The following PCDHA1 variants were observed in gnomAD, a reference collection of about 807,000 sequenced individuals.
PCDHA1 encodes the protein protocadherin alpha 1.
PCDHA1 carries 42 observed loss-of-function variants against 61.3 expected under a neutral mutation model. The observed-to-expected ratio is 0.69, with a 90% CI of 0.54 to 0.89. The LOEUF (loss-of-function observed/expected upper bound fraction) is 0.89. Ranked by LOEUF, PCDHA1 falls within the 40% of genes least tolerant of loss-of-function variation. The probability of loss-of-function intolerance (pLI) is 0.00; values close to 1 mark genes in which losing one functional copy is unlikely to be tolerated. For synonymous variants in PCDHA1, 610 were observed against 553.8 expected (o/e 1.10, Z -1.43); for missense variants, 1,256 against 1,235.3 (o/e 1.02, Z -0.25).
chr5:140,910,580 C>T (rs1384259049), intron 1 of PCDHA1, among the ~76,000 whole-genome samples: 1 of 152,162 alleles, frequency 6.6e-6, no homozygotes, highest in Non-Finnish European at 1.5e-5. Flanking sequence ...CTGGATCCTC[C>T]CAGCTGGGAT....
At position 140,786,281 on chromosome 5, in the gene PCDHA1, T is replaced by C. The variant is rs373649550; in HGVS notation, c.-10T>C. ...AGAGGAGAGCATAAGAAAGGTGTAG[T>C]CCTTTTGCAATGGTGTTTTCTAGGA... On this transcript the variant is annotated 5_prime_UTR_variant, in exon 1 of 4. Coordinates refer to ENST00000504120, the MANE Select transcript of PCDHA1 (RefSeq NM_018900.4). The C allele has an allele frequency of 2.5e-6, 4 of 1,588,676 alleles. No homozygotes were observed. In the African/African-American group the frequency reaches 5.4e-5, roughly 21 times the overall value.
chr5:140,842,961 G>A (rs1778431157), intron 1 of PCDHA1: 1 of 1,594,950 alleles, frequency 6.3e-7, no homozygotes, highest in African/African-American at 1.3e-5. Context: ...CCTCTGGGCA[G>A]CAACGTGACG....
rs57893927 is a variant in PCDHA1 at position 140,946,631 on chromosome 5, T to TATATATATATATATATATATATATATAC, written c.2395-32317_2395-32316insTATATATATATATATATATATATATACA. On this transcript the variant is annotated intron_variant, in intron 1 of 3. Transcript: ENST00000504120. ...TGTGAAATATATATATATATATATA[T>TATATATATATATATATATATATATATAC]ACAATGGAATACTCATCAGCCATTA... Among the ~76,000 whole-genome samples the TATATATATATATATATATATATATATAC allele has an allele frequency of 2.1e-3, 277 of 131,730 alleles. 14 individuals carry two copies. Among genetic ancestry groups the TATATATATATATATATATATATATATAC allele is most frequent in the African/African-American group, 7.7e-3 (221 of 28,616 alleles). The allele number at this position is 131,730 out of a possible 152,430, so 86.4% of individuals were successfully genotyped here.
At chr5:140,841,928 G>C in intron 1 of PCDHA1, 1 of 1,613,910 alleles carries the variant, frequency 6.2e-7, no homozygotes, top group Non-Finnish European at 8.5e-7. Context: ...CTTGGACAGA[G>C]AGGACGCTCC....
Position 140,856,604 on chromosome 5 carries a change from GA to G in PCDHA1, c.2394+67921del, listed in dbSNP as rs782310012. On this transcript the variant is annotated intron_variant, in intron 1 of 3. Transcript: ENST00000504120. ...TGTTCTTGATATTATAAACAAAAAA[GA>G]CAAAGACAAATTCCCAGTGCTTGTT... 3.6e-5 allele frequency: 57 copies of G among 1,597,724 alleles called. 2 individuals are homozygous for G. In the African/African-American group the frequency reaches 6.7e-4, roughly 19 times the overall value.
chr5:140,916,028 C>T (rs1554197245), intron 1 of PCDHA1, among the ~76,000 whole-genome samples: 1 of 152,152 alleles, frequency 6.6e-6, no homozygotes, highest in African/African-American at 2.4e-5. Flanking sequence ...TCCCATTCTT[C>T]CCTCCCCTTT....
chr5:140,814,664 A>C (rs2126657660), intron 1 of PCDHA1: 4 of 151,244 alleles, frequency 2.6e-5, no homozygotes, highest in African/African-American at 9.9e-5. Flanking sequence ...CACCACAAAC[A>C]TGTGAGTAAT....
At position 140,894,520 on chromosome 5, in the gene PCDHA1, C is replaced by T. The variant is rs377646516; in HGVS notation, c.2395-84429C>T. On this transcript the variant is annotated intron_variant, in intron 1 of 3. Coordinates refer to ENST00000504120, the MANE Select transcript of PCDHA1 (RefSeq NM_018900.4). ...AGGCATTATCCATAGTGTTTATATG[C>T]TGTTATGTGCCTTCTGGTTTAGTGT... is the stretch of plus-strand genomic sequence containing the variant. Among the ~76,000 whole-genome samples, 12 of 151,842 alleles carry T rather than the reference C, an allele frequency of 7.9e-5. No homozygotes were observed. In the East Asian group the frequency reaches 1.9e-3, roughly 24 times the overall value.
In PCDHA1 at chr5:140,993,461, CT is replaced by C. The variant is rs1554253717; in HGVS notation, c.2542+10899del. 2.8e-3 allele frequency among the ~76,000 whole-genome samples: 284 copies of C among 103,272 alleles called. 3 individuals are homozygous for C. Among genetic ancestry groups the C allele is most frequent in the African/African-American group, 0.011 (251 of 22,630 alleles). 67.8% of individuals were successfully genotyped at this position (103,272 alleles called of 152,430 possible). ...TCATTCCTGTTCTCCTTCTTTCTTTCTCACACACACACACACACACACACAC... is the reference window on the plus strand; with the variant it reads ...TCATTCCTGTTCTCCTTCTTTCTTTCCACACACACACACACACACACACAC... On this transcript the variant is annotated intron_variant, in intron 3 of 3. Coordinates refer to ENST00000504120, the MANE Select transcript of PCDHA1 (RefSeq NM_018900.4).
intron 1 of PCDHA1, chr5:140,967,594 G>A: frequency 6.2e-7 from 1 of 1,614,142 alleles, no homozygotes; most frequent in Non-Finnish European, 8.5e-7. Flanking sequence ...GCACATTGGT[G>A]GTGAAGCTGA....
chr5:141,002,146 CT>C (rs2098061512), intron 3 of PCDHA1, among the ~76,000 whole-genome samples: 1 of 152,250 alleles, frequency 6.6e-6, no homozygotes, highest in Admixed American at 6.5e-5. Flanking sequence ...GCTGCACTGA[CT>C]TAGCAGAGTG....
rs17844237 is a variant in PCDHA1 at position 140,786,972 on chromosome 5, C to T, written c.682C>T (p.Leu228=). 12 of 1,614,142 alleles carry T rather than the reference C, an allele frequency of 7.4e-6. No homozygotes were observed. The East Asian group carries it at 2.7e-4, about 36-fold the overall frequency. ...ACCGGAGCTGCAAGGTACAGTTGAG[C>T]TGCTGATCACCGTCCTCGACGTTAA... ...GKPELQGTVE[L]LITVLDVNDN... Residue 228 remains leucine, a synonymous_variant, in exon 1 of 4, where the codon CTG becomes TTG. Coordinates refer to ENST00000504120, the MANE Select transcript of PCDHA1 (RefSeq NM_018900.4).
intron 1 of PCDHA1, among the ~76,000 whole-genome samples, chr5:140,832,325 A>G (rs1771927305): frequency 6.6e-6 from 1 of 152,220 alleles, no homozygotes; most frequent in African/African-American, 2.4e-5. Context: ...AAGGGCCATT[A>G]GAGGACTGAG....
chr5:141,001,378 C>T (rs889628264), intron 3 of PCDHA1, among the ~76,000 whole-genome samples: 20 of 152,166 alleles, frequency 1.3e-4, no homozygotes, highest in African/African-American at 4.8e-4. Flanking sequence ...GATTACAGAG[C>T]CTAAGATCCT....
intron 1 of PCDHA1, chr5:140,884,544 G>T: frequency 6.2e-7 from 1 of 1,614,222 alleles, no homozygotes; most frequent in South Asian, 1.1e-5. Flanking sequence ...CCGAGGGTGT[G>T]CTCTGGGGAG....
intron 1 of PCDHA1, chr5:140,830,318 A>G: frequency 6.2e-7 from 1 of 1,613,956 alleles, no homozygotes; most frequent in Non-Finnish European, 8.5e-7. Context: ...GGTGTGCTCC[A>G]GCGCAGTGGG....
At chr5:140,975,765 CAG>C (rs1179625862) in intron 1 of PCDHA1, among the ~76,000 whole-genome samples, 1 of 152,220 alleles carries the variant, frequency 6.6e-6, no homozygotes, top group Non-Finnish European at 1.5e-5. Flanking sequence ...TCATAAATCA[CAG>C]ATAATACCAT....
intron 1 of PCDHA1, chr5:140,967,218 C>G: frequency 6.2e-7 from 1 of 1,613,744 alleles, no homozygotes; most frequent in Non-Finnish European, 8.5e-7. Flanking sequence ...TTCCCGCGGC[C>G]CAACTACCAG....
chr5:140,804,890 C>A, intron 1 of PCDHA1: 3 of 665,622 alleles, frequency 4.5e-6, no homozygotes, highest in Non-Finnish European at 6.9e-6. Flanking sequence ...TCCTCTCCTT[C>A]CCCTCACTTC....
Sources: gnomAD v4.1 joint callset for allele counts (sites outside exome capture counted in the v4.1 genomes callset) on GRCh38, gnomAD v4.1.1 for gene constraint, MANE v1.5 for transcripts, NCBI Gene and HGNC (gene_info 2026-07-23, HGNC 2026-07-21) for gene names.